MSI2: variants seen among roughly 807,000 people sequenced by gnomAD.
MSI2 encodes RNA-binding protein Musashi homolog 2.
In MSI2, 17 loss-of-function variants were observed where a neutral mutation model predicts 45.6. The ratio of observed to expected loss-of-function variants is 0.37; its 90% confidence interval spans 0.26 to 0.56. MSI2 has a LOEUF of 0.56. Ranked by LOEUF, MSI2 falls within the 20% of genes least tolerant of loss-of-function variation. The pLI, the probability that MSI2 is intolerant of heterozygous loss-of-function variation, is 0.77. For missense variants in MSI2, 293 were observed against 444.2 expected (o/e 0.66, Z 3.06); for synonymous variants, 156 against 158.2 (o/e 0.99, Z 0.11).
intron 5 of MSI2, among the ~76,000 whole-genome samples, chr17:57,276,114 T>C (rs528189392): frequency 6.6e-6 from 1 of 152,288 alleles, no homozygotes; most frequent in Non-Finnish European, 1.5e-5. Flanking sequence ...GAAGATTCTG[T>C]AGGGGTTTTT....
chr17:57,300,208 T>C (rs1321795761), intron 5 of MSI2, among the ~76,000 whole-genome samples: 1 of 152,242 alleles, frequency 6.6e-6, no homozygotes, highest in African/African-American at 2.4e-5. Context: ...AGTGGGATTT[T>C]TTTTTAATGC....
At position 57,530,567 on chromosome 17, in the gene MSI2, A is replaced by C. The variant is rs1449485379; in HGVS notation, c.454+843A>C. 3.3e-5 allele frequency among the ~76,000 whole-genome samples: 5 copies of C among 152,296 alleles called. No homozygotes were observed. The East Asian group carries it at 9.6e-4, about 29-fold the overall frequency. On this transcript the variant is annotated intron_variant, in intron 7 of 13. Coordinates refer to ENST00000284073, the MANE Select transcript of MSI2 (RefSeq NM_138962.4). ...GCTCAGGTTTCTGGGGTTCCTATTA[A>C]CAGGGTGTTAATGAGCAGAGCTTCC...
At chr17:57,410,287 A>G (rs181414554) in intron 6 of MSI2, among the ~76,000 whole-genome samples, 2 of 152,272 alleles carry the variant, frequency 1.3e-5, no homozygotes, top group Admixed American at 1.3e-4. Context: ...GGAGATTTAA[A>G]TACTCCTTCC....
rs373900793 is a variant in MSI2 at position 57,423,740 on chromosome 17, G to A, written c.405+22269G>A. On this transcript the variant is annotated intron_variant, in intron 6 of 13. Coordinates refer to ENST00000284073, the MANE Select transcript of MSI2 (RefSeq NM_138962.4). ...ATAAAATTTTTCATACCCACCCAGC[G>A]TTTTGCATGGGTTCTTCACTCTCTC... is the stretch of plus-strand genomic sequence containing the variant. Among the ~76,000 whole-genome samples, 377 of 152,090 alleles carry A rather than the reference G, an allele frequency of 2.5e-3. 18 individuals carry two copies. The South Asian group carries it at 0.073, about 30-fold the overall frequency.
the MSI2 span, among the ~76,000 whole-genome samples, chr17:57,691,922 T>C: frequency 6.6e-6 from 1 of 152,158 alleles, no homozygotes; most frequent in Non-Finnish European, 1.5e-5. Flanking sequence ...ATCTTAAAGG[T>C]AAGTGGTCAG....
chr17:57,595,637 G>A (rs1420848086), intron 7 of MSI2, among the ~76,000 whole-genome samples: 3 of 149,366 alleles, frequency 2.0e-5, no homozygotes, highest in African/African-American at 7.5e-5. Flanking sequence ...ATTTATGAGG[G>A]CCCCATCCTC....
intron 7 of MSI2, among the ~76,000 whole-genome samples, chr17:57,563,711 CTCTCTCTCTT>C (rs2087647200): frequency 7.1e-6 from 1 of 141,602 alleles, no homozygotes; most frequent in African/African-American, 2.9e-5. Context: ...CTGTCTGTCT[CTCTCTCTCTT>C]TCCCTCTCAC....
At chr17:57,619,588 C>T (rs1355577113) in intron 9 of MSI2, among the ~76,000 whole-genome samples, 1 of 152,214 alleles carries the variant, frequency 6.6e-6, no homozygotes, top group African/African-American at 2.4e-5. Flanking sequence ...AGCCAACGAG[C>T]CTGGCCACGT....
chr17:57,326,292 A>T (rs555449314), intron 5 of MSI2, among the ~76,000 whole-genome samples: 1 of 151,924 alleles, frequency 6.6e-6, no homozygotes, highest in African/African-American at 2.4e-5. Context: ...TAGTGTGGCT[A>T]TCTGTGGGTT....
At chr17:57,414,411 C>T (rs2084254905) in intron 6 of MSI2, among the ~76,000 whole-genome samples, 1 of 150,084 alleles carries the variant, frequency 6.7e-6, no homozygotes, top group Non-Finnish European at 1.5e-5. Flanking sequence ...TTTTTTGAGA[C>T]AGAGTTTCAC....
intron 11 of MSI2, among the ~76,000 whole-genome samples, chr17:57,663,332 C>G (rs1324944760): frequency 6.6e-6 from 1 of 152,174 alleles, no homozygotes; most frequent in East Asian, 1.9e-4. Context: ...TAAAGGGGCC[C>G]TTTGTTCCTG....
chr17:57,595,640 C>G (rs916081163), intron 7 of MSI2, among the ~76,000 whole-genome samples: 1 of 151,872 alleles, frequency 6.6e-6, no homozygotes. Flanking sequence ...TATGAGGGCC[C>G]CATCCTCACG....
At chr17:57,482,001 G>A (rs2085657213) in intron 6 of MSI2, among the ~76,000 whole-genome samples, 1 of 152,170 alleles carries the variant, frequency 6.6e-6, no homozygotes. Flanking sequence ...CAAGATGGAG[G>A]CGAGTCAGTC....
chr17:57,475,764 G>C (rs1299531832), intron 6 of MSI2, among the ~76,000 whole-genome samples: 1 of 151,552 alleles, frequency 6.6e-6, no homozygotes, highest in Non-Finnish European at 1.5e-5. Flanking sequence ...AGTGAGAAAA[G>C]AGTGTTGTCT....
intron 11 of MSI2, among the ~76,000 whole-genome samples, chr17:57,666,218 T>A (rs1399392998): frequency 1.3e-5 from 2 of 152,240 alleles, no homozygotes; most frequent in African/African-American, 4.8e-5. Context: ...TTAAAAAGCA[T>A]GTGCCTTCAA....
At chr17:57,383,696 C>A (rs1484036090) in intron 5 of MSI2, among the ~76,000 whole-genome samples, 2 of 152,142 alleles carry the variant, frequency 1.3e-5, no homozygotes, top group Non-Finnish European at 1.5e-5. Context: ...ATCATTTCTA[C>A]CCAGAAAAAA....
At chr17:57,502,636 T>TATATATATATATATAGAGAGAGAGAG in intron 6 of MSI2, among the ~76,000 whole-genome samples, 39 of 96,926 alleles carry the variant, frequency 4.0e-4, no homozygotes, top group Admixed American at 1.7e-3. Flanking sequence ...TATATATATA[T>TATATATATATATATAGAGAGAGAGAG]AGTCATCATT....
intron 7 of MSI2, among the ~76,000 whole-genome samples, chr17:57,565,711 T>TA (rs1467961062): frequency 1.3e-5 from 2 of 152,172 alleles, no homozygotes. Context: ...AGCAGACAGT[T>TA]ACTGAGTGAA....
chr17:57,600,899 C>T (rs1688672599), intron 8 of MSI2: 2 of 152,254 alleles, frequency 1.3e-5, no homozygotes, highest in Admixed American at 1.3e-4. Flanking sequence ...ATTATCCCCA[C>T]TTACAGATTG....
Sources: allele counts gnomAD v4.1 joint callset (sites outside exome capture counted in the v4.1 genomes callset), GRCh38; gene constraint gnomAD v4.1.1; transcripts MANE v1.5; gene names NCBI Gene and HGNC (gene_info 2026-07-23, HGNC 2026-07-21).